GLIS3: variants seen among roughly 807,000 people sequenced by gnomAD.
The protein encoded by GLIS3 is zinc finger protein GLIS3.
Under a neutral mutation model 78.6 loss-of-function variants are expected in GLIS3, and 53 were observed. That is an observed-to-expected ratio of 0.67 (90% confidence interval 0.54 to 0.85). The LOEUF (loss-of-function observed/expected upper bound fraction) is 0.85, where lower values mean the gene tolerates loss of function less well. GLIS3 is among the 40% of genes least tolerant of loss of function. The probability of loss-of-function intolerance (pLI) is 0.00; values close to 1 mark genes in which losing one functional copy is unlikely to be tolerated. For synonymous variants in GLIS3, 684 were observed against 509.9 expected, an observed-to-expected ratio of 1.34 and a Z score of -4.60; for missense variants, 1,703 against 1,231.1, an observed-to-expected ratio of 1.38 and a Z score of -5.74.
intron 4 of GLIS3, among the ~76,000 whole-genome samples, chr9:4,306,560 C>T (rs1817233405): frequency 2.0e-5 from 3 of 152,216 alleles, no homozygotes; most frequent in South Asian, 2.1e-4. Flanking sequence ...ATAGGAAATA[C>T]ATTCATTTCC....
chr9:4,298,698 G>C (rs1329556642), intron 1 of GLIS3, among the ~76,000 whole-genome samples: 1 of 152,206 alleles, frequency 6.6e-6, no homozygotes, highest in Admixed American at 6.5e-5. Flanking sequence ...GTAAACGCGA[G>C]GTGACGAACC....
intron 4 of GLIS3, among the ~76,000 whole-genome samples, chr9:3,972,094 G>C (rs181795101): frequency 6.6e-6 from 1 of 152,256 alleles, no homozygotes; most frequent in Non-Finnish European, 1.5e-5. Flanking sequence ...TTCATGTCTA[G>C]ATCAGAATGC....
In GLIS3 at chr9:3,827,989, G is replaced by A; in HGVS notation, c.*283C>T. 1 of 468,772 alleles carries A rather than the reference G, an allele frequency of 2.1e-6. No individual in the cohort carries two copies. 29.0% of individuals were successfully genotyped at this position (468,772 alleles called of 1,614,324 possible). On this transcript the variant is annotated 3_prime_UTR_variant, in exon 11 of 11. Transcript: ENST00000381971. ...GGGTCCTTTAAGGGTTGACAGCCAG[G>A]AAGTAACAGGTATCCAGGAGAGTGA...
At chr9:4,363,564 G>C in the GLIS3 span, among the ~76,000 whole-genome samples, 1 of 152,178 alleles carries the variant, frequency 6.6e-6, no homozygotes, top group South Asian at 2.1e-4. Flanking sequence ...ACAAATTTCA[G>C]TGTAGAAATT....
At chr9:4,376,809 C>T in the GLIS3 span, among the ~76,000 whole-genome samples, 2 of 135,456 alleles carry the variant, frequency 1.5e-5, no homozygotes, top group Non-Finnish European at 3.3e-5. Context: ...TGAGATACTC[C>T]TGTGTTCTGG....
At chr9:3,847,977 C>A (rs778305545) in intron 9 of GLIS3, among the ~76,000 whole-genome samples, 19 of 152,172 alleles carry the variant, frequency 1.2e-4, no homozygotes, top group Non-Finnish European at 2.4e-4. Flanking sequence ...GTTCACTCAT[C>A]GGCTCATTTC....
chr9:4,211,252 T>C (rs1375955690), intron 2 of GLIS3, among the ~76,000 whole-genome samples: 3 of 152,230 alleles, frequency 2.0e-5, no homozygotes, highest in Non-Finnish European at 4.4e-5. Context: ...CATTTGTTTA[T>C]GTAAGTTCAA....
At chr9:4,356,774 A>G in the GLIS3 span, among the ~76,000 whole-genome samples, 1 of 152,248 alleles carries the variant, frequency 6.6e-6, no homozygotes, top group Admixed American at 6.5e-5. Context: ...CCAAAAGCTG[A>G]AAAACATCAG....
At chr9:4,327,389 G>C (rs959122214) in intron 2 of GLIS3, among the ~76,000 whole-genome samples, 2 of 152,118 alleles carry the variant, frequency 1.3e-5, no homozygotes, top group Admixed American at 6.5e-5. Context: ...TTTGAGCTTT[G>C]GAAAGAGGTG....
intron 4 of GLIS3, among the ~76,000 whole-genome samples, chr9:4,070,267 T>C (rs1034578975): frequency 6.6e-6 from 1 of 152,142 alleles, no homozygotes; most frequent in African/African-American, 2.4e-5. Flanking sequence ...AATTCCCCTC[T>C]CATGGGGATA....
intron 2 of GLIS3, among the ~76,000 whole-genome samples, chr9:4,240,469 CT>C (rs1470434898): frequency 6.6e-6 from 1 of 151,976 alleles, no homozygotes; most frequent in Non-Finnish European, 1.5e-5. Flanking sequence ...TTGGGAACCC[CT>C]GATCTAAAGC....
At chr9:4,375,809 G>C in the GLIS3 span, among the ~76,000 whole-genome samples, 32 of 152,120 alleles carry the variant, frequency 2.1e-4, no homozygotes, top group Non-Finnish European at 4.4e-4. Flanking sequence ...GTACTTGACA[G>C]AAAACATGGT....
At chr9:3,930,780 C>T (rs1825562257) in intron 6 of GLIS3, among the ~76,000 whole-genome samples, 1 of 152,172 alleles carries the variant, frequency 6.6e-6, no homozygotes. Context: ...ATTTGCACAA[C>T]TTGGAGGCAA....
rs2130094663 is a variant in GLIS3 at position 4,266,599 on chromosome 9, CA to C, written c.388+19438del. 2.8e-4 allele frequency among the ~76,000 whole-genome samples: 3 copies of C among 10,848 alleles called. No individual in the cohort carries two copies. In the South Asian group the frequency reaches 0.011, roughly 40 times the overall value. The allele number at this position is 10,848 out of a possible 152,430, so 7.1% of individuals were successfully genotyped here. On this transcript the variant is annotated intron_variant, in intron 2 of 10. Coordinates refer to ENST00000381971, the MANE Select transcript of GLIS3 (RefSeq NM_001042413.2). ...TTTTACACATGCATGCGCGTGTACA[CA>C]CACACACACACACACACACACACAC...
intron 4 of GLIS3, among the ~76,000 whole-genome samples, chr9:4,072,479 G>T (rs1043407844): frequency 3.9e-5 from 6 of 152,094 alleles, no homozygotes; most frequent in African/African-American, 1.4e-4. Flanking sequence ...CATAACACTT[G>T]GACAGTAATG....
At chr9:3,853,349 A>C (rs1341497320) in intron 9 of GLIS3, among the ~76,000 whole-genome samples, 3 of 138,418 alleles carry the variant, frequency 2.2e-5, no homozygotes, top group Non-Finnish European at 4.9e-5. Flanking sequence ...GGTAGATCCC[A>C]TTTTCTGTAT....
intron 2 of GLIS3, among the ~76,000 whole-genome samples, chr9:4,217,094 T>C (rs1345075465): frequency 3.9e-5 from 6 of 152,036 alleles, no homozygotes; most frequent in African/African-American, 1.2e-4. Flanking sequence ...TTCTGTGATT[T>C]CTCCCATGCC....
At chr9:4,191,330 C>T (rs967086213) in intron 2 of GLIS3, among the ~76,000 whole-genome samples, 1 of 152,136 alleles carries the variant, frequency 6.6e-6, no homozygotes, top group Non-Finnish European at 1.5e-5. Flanking sequence ...GTATTTTCAA[C>T]TGAGCATTTT....
chr9:4,473,789 T>C, the GLIS3 span, among the ~76,000 whole-genome samples: 1 of 152,116 alleles, frequency 6.6e-6, no homozygotes, highest in East Asian at 1.9e-4. Context: ...AAAAGTTAAA[T>C]AAAAATAAAT....
Sources: gnomAD v4.1 joint callset for allele counts (sites outside exome capture counted in the v4.1 genomes callset) on GRCh38, gnomAD v4.1.1 for gene constraint, MANE v1.5 for transcripts, NCBI Gene and HGNC (gene_info 2026-07-23, HGNC 2026-07-21) for gene names.